The following GPR108 variants were observed in gnomAD, a reference collection of about 807,000 sequenced individuals.
The protein encoded by GPR108 is protein GPR108.
Under a neutral mutation model 74.3 loss-of-function variants are expected in GPR108, and 60 were observed. The ratio of observed to expected loss-of-function variants is 0.81; its 90% CI spans 0.66 to 1.00. The LOEUF (loss-of-function observed/expected upper bound fraction) is 1.00, where lower values mean the gene tolerates loss of function less well. Ranked by LOEUF, GPR108 falls within the 50% of genes least tolerant of loss-of-function variation. The probability of loss-of-function intolerance (pLI) is 0.00; values close to 1 mark genes in which losing one functional copy is unlikely to be tolerated. For missense variants in GPR108, 667 were observed against 703.3 expected (o/e 0.95, Z 0.58); for synonymous variants, 311 against 292.4 (o/e 1.06, Z -0.65).
intron 4 of GPR108, among the ~76,000 whole-genome samples, chr19:6,735,066 T>C (rs1350279790): frequency 2.7e-5 from 4 of 150,676 alleles, no homozygotes; most frequent in African/African-American, 9.8e-5. Context: ...CATTTTTTGG[T>C]TTTTTAGTAA....
In GPR108 at chr19:6,730,014, TCCGTGTAGACCCCAACCC is replaced by T. The variant is rs1968318715; in HGVS notation, c.*280_*297del. 1 of 422,544 alleles carries T rather than the reference TCCGTGTAGACCCCAACCC, an allele frequency of 2.4e-6. No homozygotes were observed. Among genetic ancestry groups the T allele is most frequent in the Non-Finnish European group, 4.3e-6 (1 of 230,116 alleles). 26.2% of individuals were successfully genotyped at this position (422,544 alleles called of 1,614,324 possible). On this transcript the variant is annotated 3_prime_UTR_variant, in exon 18 of 18. Transcript: ENST00000264080. Reference sequence around the variant, plus strand: ...AGGTTTCTACATTGTAAACACAACCTCCGTGTAGACCCCAACCCCCAAAAAGGCAAGACAACGGCGTAG... The same window carrying T: ...AGGTTTCTACATTGTAAACACAACCTCCAAAAAGGCAAGACAACGGCGTAG...
chr19:6,730,755 C>G (rs1968360798), intron 17 of GPR108, among the ~76,000 whole-genome samples: 1 of 151,076 alleles, frequency 6.6e-6, no homozygotes, highest in Non-Finnish European at 1.5e-5. Flanking sequence ...GGCCCTAACC[C>G]CACCCCTAGC....
At chr19:6,733,469 A>G (rs1384741596) in intron 8 of GPR108, 101 bp downstream of exon 8, 120 of 1,377,710 alleles carry the variant, frequency 8.7e-5, no homozygotes, top group Non-Finnish European at 1.2e-4. Flanking sequence ...CCTACTTCGC[A>G]CCCGGGAGGG....
At chr19:6,734,648 C>A (rs1247157410) in intron 4 of GPR108, among the ~76,000 whole-genome samples, 2 of 152,120 alleles carry the variant, frequency 1.3e-5, no homozygotes, top group Admixed American at 1.3e-4. Flanking sequence ...ATCAGGCAAT[C>A]CTCCCACCTC....
chr19:6,731,331 A>G, intron 15 of GPR108, 49 bp from the exon 16 acceptor site: 3 of 1,518,092 alleles, frequency 2.0e-6, no homozygotes, highest in Non-Finnish European at 2.7e-6. Context: ...GGGCACGGGC[A>G]GGCATGGGGC....
At chr19:6,736,066 CAT>C (rs570109188) in intron 2 of GPR108, 108 bp from the exon 3 acceptor site, 58 of 954,630 alleles carry the variant, frequency 6.1e-5, no homozygotes, top group East Asian at 2.4e-4. Context: ...GAACACCTAA[CAT>C]GTGCTAGATC....
At position 6,731,244 on chromosome 19, in the gene GPR108, G is replaced by A. The variant is rs983303020; in HGVS notation, c.1389C>T (p.Ile463=). 3.2e-6 allele frequency: 5 copies of A among 1,560,482 alleles called. No homozygotes were observed. The highest frequency in any genetic ancestry group is 3.6e-5 in the Admixed American group (2 of 54,890). ...GAAAGGGCACAGCCACCTGCAGCAG[G>A]ATGGCGATGATGCGGGTGAAGTAGA... is the stretch of plus-strand genomic sequence containing the variant. The part of the protein sequence containing the change: ...CYVYFTRIIA[I]LLQVAVPFQW... The change falls in exon 16 of 18, where the codon ATC becomes ATT. Residue 463 remains isoleucine (I), a synonymous_variant. Transcript: ENST00000264080.
At chr19:6,732,442 C>T in intron 11 of GPR108, 34 bp downstream of exon 11, 5 of 1,612,114 alleles carry the variant, frequency 3.1e-6, no homozygotes, top group South Asian at 1.1e-5. Context: ...TGCCTGCCTC[C>T]CCCCAGCTGC....
Position 6,731,308 on chromosome 19 carries a change from G to A in GPR108, c.1351-26C>T, listed in dbSNP as rs776088642. On this transcript the variant is annotated intron_variant, in intron 15 of 17. Transcript: ENST00000264080. ...CTGCAGGGGCGCGAGCAGGCGTGGG[G>A]CCAGGACTGTAGGGGCACGGGCAGG... The A allele has an allele frequency of 3.3e-6, 5 of 1,536,822 alleles. No individual in the cohort carries two copies. In the East Asian group the frequency reaches 1.1e-4, roughly 35 times the overall value.
At chr19:6,731,359 G>C in intron 15 of GPR108, 77 bp from the exon 16 acceptor site, 1 of 1,497,104 alleles carries the variant, frequency 6.7e-7, no homozygotes, top group Non-Finnish European at 9.0e-7. Context: ...CAGGACTGCG[G>C]GCTGGGGAGC....
chr19:6,734,391 C>A, intron 4 of GPR108, 84 bp from the exon 5 acceptor site: 1 of 1,369,174 alleles, frequency 7.3e-7, no homozygotes, highest in Non-Finnish European at 1.0e-6. Flanking sequence ...GCCCCTTGGA[C>A]CCTCTGCGTG....
In GPR108 at chr19:6,735,938, C is replaced by T. The variant is rs368645711; in HGVS notation, c.261G>A (p.Arg87=). 1.2e-6 allele frequency: 2 copies of T among 1,611,058 alleles called. No individual in the cohort carries two copies. The highest frequency in any genetic ancestry group is 1.3e-5 in the African/African-American group (1 of 74,798). Residue 87 remains arginine (R), a synonymous_variant, in exon 3 of 18, where the codon CGG becomes CGA. Coordinates refer to ENST00000264080, the MANE Select transcript of GPR108 (RefSeq NM_001080452.2). ...KSLLVGFSLS[R]VRSGRVRSYS... is the part of the protein sequence containing the mutation. ...AGGAGCGAACTCTGCCAGACCGAAC[C>T]CGGCTGAGACTGAACCCCACCTGGT...
chr19:6,734,848 CATTATTATTATT>C (rs111460609), intron 4 of GPR108, among the ~76,000 whole-genome samples: 22,578 of 139,552 alleles, frequency 0.16, 1,977 homozygotes, highest in East Asian at 0.42. Context: ...GCCAGCCCTA[CATTATTATTATT>C]ATTATTATTA....
chr19:6,732,886 G>A (rs564091933), intron 10 of GPR108, 101 bp downstream of exon 10: 7 of 1,030,580 alleles, frequency 6.8e-6, no homozygotes, highest in Non-Finnish European at 8.7e-6. Context: ...GATAGCTGGC[G>A]GATGGCCCTC....
At position 6,734,428 on chromosome 19, in the gene GPR108, G is replaced by A. The variant is rs139678518; in HGVS notation, c.375-121C>T. ...CCTCCCTGAGGGGCGGGGTCCAGTC[G>A]AGTCAGTTATCACTGAGTTTCAGCC... On this transcript the variant is annotated intron_variant, in intron 4 of 17. Transcript: ENST00000264080. 512 of 928,992 alleles carry A rather than the reference G, an allele frequency of 5.5e-4. 1 individual carries two copies. The African/African-American group carries it at 7.9e-3, about 14-fold the overall frequency. The allele number at this position is 928,992 out of a possible 1,614,324, so 57.5% of individuals were successfully genotyped here. A position where few individuals can be genotyped will look rare whatever the true frequency, so the allele number is the denominator to read the frequency against.
Position 6,730,082 on chromosome 19 carries a change from C to T in GPR108, c.*230G>A. The T allele has an allele frequency of 3.5e-6, 2 of 576,076 alleles. No individual in the cohort carries two copies. Among genetic ancestry groups the T allele is most frequent in the Non-Finnish European group, 6.3e-6 (2 of 318,586 alleles). The allele number at this position is 576,076 out of a possible 1,614,324, so 35.7% of individuals were successfully genotyped here. ...GCCAAACAGATTGGTCATTATTGTA[C>T]ACATAGCTGGAAGGGAGGGGTGGTC... On this transcript the variant is annotated 3_prime_UTR_variant, in exon 18 of 18. Coordinates refer to ENST00000264080, the MANE Select transcript of GPR108 (RefSeq NM_001080452.2).
intron 6 of GPR108, 36 bp downstream of exon 6, chr19:6,733,969 G>T: frequency 6.2e-7 from 1 of 1,614,142 alleles, no homozygotes; most frequent in South Asian, 1.1e-5. Flanking sequence ...GGGCCCTGGG[G>T]TGTGCATCTT....
At chr19:6,735,789 G>C in intron 3 of GPR108, 85 bp from the exon 4 acceptor site, 1 of 1,535,976 alleles carries the variant, frequency 6.5e-7, no homozygotes, top group Non-Finnish European at 8.9e-7. Flanking sequence ...TCCACCCACG[G>C]GATCTTCCTG....
chr19:6,734,427 C>G (rs1233850920), intron 4 of GPR108, 120 bp from the exon 5 acceptor site: 15 of 939,890 alleles, frequency 1.6e-5, no homozygotes, highest in Non-Finnish European at 2.2e-5. Context: ...GGGGTCCAGT[C>G]GAGTCAGTTA....
Sources: gnomAD v4.1 joint callset for allele counts (sites outside exome capture counted in the v4.1 genomes callset) on GRCh38, gnomAD v4.1.1 for gene constraint, MANE v1.5 for transcripts, NCBI Gene and HGNC (gene_info 2026-07-23, HGNC 2026-07-21) for gene names.